The following TNPO1 variants were observed in gnomAD, a reference collection of about 807,000 sequenced individuals.
The protein encoded by TNPO1 is transportin 1.
TNPO1 carries 8 observed loss-of-function variants against 119.5 expected under a neutral mutation model. The observed-to-expected ratio is 0.07, with a 90% confidence interval of 0.04 to 0.12. The LOEUF is 0.12. Among genes scored for constraint, TNPO1 ranks in the 10% least tolerant of loss-of-function variants. The pLI is 1.00. For synonymous variants in TNPO1, 362 were observed against 363.0 expected, an observed-to-expected ratio of 1.00 and a Z score of 0.03; for missense variants, 576 against 1,089.8, an observed-to-expected ratio of 0.53 and a Z score of 6.64.
intron 1 of TNPO1, among the ~76,000 whole-genome samples, chr5:72,825,146 A>G (rs1356916526): frequency 6.6e-6 from 1 of 152,106 alleles, no homozygotes; most frequent in Admixed American, 6.5e-5. Context: ...CTACCATCAC[A>G]TCTTGTTGGA....
At chr5:72,846,932 A>C (rs1423504927) in intron 1 of TNPO1, among the ~76,000 whole-genome samples, 1 of 152,236 alleles carries the variant, frequency 6.6e-6, no homozygotes, top group Non-Finnish European at 1.5e-5. Flanking sequence ...GAAACAGGAC[A>C]ATCCCATTAT....
At chr5:72,859,917 T>C (rs540181782) in intron 4 of TNPO1, among the ~76,000 whole-genome samples, 2 of 152,344 alleles carry the variant, frequency 1.3e-5, no homozygotes, top group South Asian at 4.1e-4. Flanking sequence ...CATTCCCTTA[T>C]TTCTTTTATA....
intron 1 of TNPO1, among the ~76,000 whole-genome samples, chr5:72,825,000 T>C (rs1744141489): frequency 6.6e-6 from 1 of 152,206 alleles, no homozygotes; most frequent in Admixed American, 6.5e-5. Flanking sequence ...CTTGGCCTTA[T>C]TTTTTTACTT....
intron 1 of TNPO1, among the ~76,000 whole-genome samples, chr5:72,846,394 ACGT>A (rs1001960400): frequency 8.8e-6 from 1 of 113,992 alleles, no homozygotes; most frequent in Non-Finnish European, 2.1e-5. Context: ...TGTGTAAAAA[ACGT>A]TGTAGAGTTA....
chr5:72,905,058 C>G (rs746145610), intron 23 of TNPO1, among the ~76,000 whole-genome samples: 1 of 152,200 alleles, frequency 6.6e-6, no homozygotes, highest in Non-Finnish European at 1.5e-5. Context: ...ATTCAGTTAT[C>G]TCCCACTGGG....
chr5:72,833,312 A>C (rs761420370), intron 1 of TNPO1, among the ~76,000 whole-genome samples: 4 of 152,146 alleles, frequency 2.6e-5, no homozygotes, highest in Non-Finnish European at 4.4e-5. Flanking sequence ...GAAGAATTTG[A>C]ATGTTTTAGG....
At chr5:72,876,853 G>C (rs144429205) in intron 8 of TNPO1, among the ~76,000 whole-genome samples, 2 of 152,044 alleles carry the variant, frequency 1.3e-5, no homozygotes, top group Non-Finnish European at 1.5e-5. Flanking sequence ...CCAACACTTT[G>C]GGAGGCCGAG....
intron 1 of TNPO1, among the ~76,000 whole-genome samples, chr5:72,829,531 A>G (rs1241432431): frequency 2.0e-5 from 3 of 152,242 alleles, no homozygotes; most frequent in Non-Finnish European, 4.4e-5. Flanking sequence ...CGAGTTGAAT[A>G]CAAGTTTCCC....
chr5:72,860,227 A>G (rs1342326330), intron 4 of TNPO1, among the ~76,000 whole-genome samples: 1 of 152,194 alleles, frequency 6.6e-6, no homozygotes, highest in Non-Finnish European at 1.5e-5. Context: ...ACTAGATGCC[A>G]GGCATTTTCT....
chr5:72,885,259 T>G (rs1188859370), intron 11 of TNPO1, among the ~76,000 whole-genome samples: 3 of 152,214 alleles, frequency 2.0e-5, no homozygotes, highest in Admixed American at 2.0e-4. Flanking sequence ...TGATAGCACA[T>G]CTAGTACTGG....
intron 6 of TNPO1, 98 bp downstream of exon 6, chr5:72,865,827 A>G (rs1439382843): frequency 2.4e-6 from 3 of 1,270,368 alleles, no homozygotes; most frequent in African/African-American, 3.0e-5. Context: ...GCAAAAGATC[A>G]AAAGATATTG....
At chr5:72,897,533 G>A (rs970805853) in intron 20 of TNPO1, among the ~76,000 whole-genome samples, 1 of 151,656 alleles carries the variant, frequency 6.6e-6, no homozygotes, top group Admixed American at 6.6e-5. Flanking sequence ...AGATTCAGTG[G>A]CAAATTGGTT....
In TNPO1 at chr5:72,911,003, C is replaced by T. The variant is rs1366478440; in HGVS notation, c.*2330C>T. ...CACTGGGAGCTCAAAATTTGCCTCC[C>T]TGTTAGTCTTTAATAACTGAGTAGA... is the stretch of plus-strand genomic sequence containing the variant. On this transcript the variant is annotated 3_prime_UTR_variant, in exon 25 of 25. Coordinates refer to ENST00000337273, the MANE Select transcript of TNPO1 (RefSeq NM_002270.4). The T allele has an allele frequency of 6.6e-6, 1 of 151,990 alleles. No homozygotes were observed. The highest frequency in any genetic ancestry group is 1.5e-5 in the Non-Finnish European group (1 of 67,940). The allele number at this position is 151,990 out of a possible 1,614,324, so 9.4% of individuals were successfully genotyped here. A position where few individuals can be genotyped will look rare whatever the true frequency, so the allele number is the denominator to read the frequency against.
intron 1 of TNPO1, among the ~76,000 whole-genome samples, chr5:72,826,707 G>A (rs776823949): frequency 6.6e-6 from 1 of 152,262 alleles, no homozygotes; most frequent in East Asian, 1.9e-4. Context: ...AAGTTAAGGC[G>A]TATTTTGAAG....
At chr5:72,821,529 A>G (rs1195792774) in intron 1 of TNPO1, among the ~76,000 whole-genome samples, 1 of 152,208 alleles carries the variant, frequency 6.6e-6, no homozygotes, top group East Asian at 1.9e-4. Flanking sequence ...ATATTTAATG[A>G]AATTAAATAT....
In TNPO1 at chr5:72,909,681, G is replaced by A. The variant is rs1163715477; in HGVS notation, c.*1008G>A. On this transcript the variant is annotated 3_prime_UTR_variant, in exon 25 of 25. Coordinates refer to ENST00000337273, the MANE Select transcript of TNPO1 (RefSeq NM_002270.4). ...TGTTGCAGTTTACCAATTCAATATA[G>A]CCCTGCATTTAAAGTTCCTTTTTAA... The A allele has an allele frequency of 1.3e-5, 2 of 152,480 alleles. No homozygotes were observed. The highest frequency in any genetic ancestry group is 4.8e-5 in the African/African-American group (2 of 41,382). The allele number at this position is 152,480 out of a possible 1,614,324, so 9.4% of individuals were successfully genotyped here. A position where few individuals can be genotyped will look rare whatever the true frequency, so the allele number is the denominator to read the frequency against.
In TNPO1 at chr5:72,893,339, A is replaced by C. The variant is rs755697546; in HGVS notation, c.1897-38A>C. 4.4e-6 allele frequency: 7 copies of C among 1,607,814 alleles called. No homozygotes were observed. The South Asian group carries it at 5.6e-5, about 13-fold the overall frequency. On this transcript the variant is annotated intron_variant, in intron 16 of 24. Coordinates refer to ENST00000337273, the MANE Select transcript of TNPO1 (RefSeq NM_002270.4). ...ATACAGACTTTTTAAGTAGTTAATT[A>C]AAACCAAACTTACAAAAAACATTGT...
chr5:72,876,987 C>T (rs1029891225), intron 8 of TNPO1, among the ~76,000 whole-genome samples: 5 of 150,278 alleles, frequency 3.3e-5, no homozygotes, highest in Admixed American at 1.3e-4. Context: ...CCCATCTATT[C>T]GGGAGGCTGA....
intron 13 of TNPO1, 29 bp downstream of exon 13, chr5:72,888,332 T>C (rs1019276084): frequency 6.3e-7 from 1 of 1,589,370 alleles, no homozygotes; most frequent in Admixed American, 1.7e-5. Flanking sequence ...ACAGTGTTCT[T>C]TGTGGCAGTG....
Sources: allele counts gnomAD v4.1 joint callset (sites outside exome capture counted in the v4.1 genomes callset), GRCh38; gene constraint gnomAD v4.1.1; transcripts MANE v1.5; gene names NCBI Gene and HGNC (gene_info 2026-07-23, HGNC 2026-07-21).